The following BCKDHB variants were observed in gnomAD, a reference collection of about 807,000 sequenced individuals.
The protein encoded by BCKDHB is branched chain keto acid dehydrogenase E1 subunit beta, also known as 2-oxoisovalerate dehydrogenase subunit beta, mitochondrial.
BCKDHB carries 41 observed loss-of-function variants against 48.5 expected under a neutral mutation model. The ratio of observed to expected loss-of-function variants is 0.85; its 90% confidence interval spans 0.66 to 1.10. The LOEUF (loss-of-function observed/expected upper bound fraction) is 1.10, where lower values mean the gene tolerates loss of function less well. BCKDHB is among the 50% of genes least tolerant of loss of function. The pLI is 0.00. For missense variants in BCKDHB, 496 were observed against 494.2 expected (o/e 1.00, Z -0.03); for synonymous variants, 201 against 174.8 (o/e 1.15, Z -1.18).
chr6:80,440,429 T>C, the BCKDHB span, among the ~76,000 whole-genome samples: 3 of 152,130 alleles, frequency 2.0e-5, no homozygotes, highest in Non-Finnish European at 2.9e-5. Context: ...GACAGCTTCT[T>C]TACCATATGC....
At chr6:80,221,881 T>A (rs1391748801) in intron 8 of BCKDHB, among the ~76,000 whole-genome samples, 1 of 152,230 alleles carries the variant, frequency 6.6e-6, no homozygotes, top group Non-Finnish European at 1.5e-5. Context: ...CTTTTTCCAA[T>A]AGCCACAATT....
intron 3 of BCKDHB, among the ~76,000 whole-genome samples, chr6:80,147,990 A>T (rs1295747319): frequency 1.3e-5 from 2 of 152,190 alleles, no homozygotes; most frequent in Non-Finnish European, 2.9e-5. Flanking sequence ...GGTTGTTACA[A>T]TTAGGAGGCC....
intron 9 of BCKDHB, among the ~76,000 whole-genome samples, chr6:80,305,940 C>T (rs73463596): frequency 6.6e-6 from 1 of 152,158 alleles, no homozygotes; most frequent in Non-Finnish European, 1.5e-5. Flanking sequence ...GCCAGCCTGC[C>T]TGAATTCAAA....
intron 8 of BCKDHB, among the ~76,000 whole-genome samples, chr6:80,244,750 G>C (rs1374630397): frequency 6.6e-6 from 1 of 152,166 alleles, no homozygotes; most frequent in Non-Finnish European, 1.5e-5. Context: ...ATAAAGTAAT[G>C]ATAGCTTGGA....
chr6:80,170,002 C>T (rs573335929), intron 5 of BCKDHB: 28 of 1,173,148 alleles, frequency 2.4e-5, no homozygotes, highest in Non-Finnish European at 2.7e-5. Flanking sequence ...CTGTCCCCTG[C>T]CTTCTCTTTT....
At chr6:80,299,419 C>T (rs759753733) in intron 9 of BCKDHB, among the ~76,000 whole-genome samples, 6 of 152,086 alleles carry the variant, frequency 3.9e-5, no homozygotes, top group Non-Finnish European at 8.8e-5. Flanking sequence ...GGGGTTTCCT[C>T]AGTATTTTTC....
At chr6:80,186,888 G>A (rs1162721479) in intron 6 of BCKDHB, among the ~76,000 whole-genome samples, 2 of 152,170 alleles carry the variant, frequency 1.3e-5, no homozygotes, top group Non-Finnish European at 2.9e-5. Flanking sequence ...GGATTTTTAG[G>A]TTCCCCAGTG....
At chr6:80,463,589 CTTTT>C in the BCKDHB span, among the ~76,000 whole-genome samples, 1 of 149,922 alleles carries the variant, frequency 6.7e-6, no homozygotes, top group East Asian at 2.0e-4. Context: ...TTTCAATATA[CTTTT>C]TTTTTTCCAA....
intron 8 of BCKDHB, among the ~76,000 whole-genome samples, chr6:80,270,411 C>G (rs1777687204): frequency 6.6e-6 from 1 of 152,124 alleles, no homozygotes; most frequent in Admixed American, 6.6e-5. Context: ...ATTTTTGTGA[C>G]AATCATTGTT....
chr6:80,357,033 T>G, the BCKDHB span, among the ~76,000 whole-genome samples: 205 of 148,446 alleles, frequency 1.4e-3, no homozygotes, highest in Admixed American at 2.5e-3. Context: ...TAGTGCCCTT[T>G]TAAAGTTTGA....
chr6:80,196,449 G>A (rs1774134789), intron 6 of BCKDHB, among the ~76,000 whole-genome samples: 1 of 152,050 alleles, frequency 6.6e-6, no homozygotes, highest in South Asian at 2.1e-4. Context: ...AGAGCAATTT[G>A]TTCCCATTGC....
the BCKDHB span, chr6:80,374,607 A>G: frequency 8.6e-6 from 5 of 584,792 alleles, no homozygotes; most frequent in Admixed American, 1.3e-4. Context: ...GAAAAGAGCC[A>G]TTCTATATCT....
intron 9 of BCKDHB, among the ~76,000 whole-genome samples, chr6:80,334,951 T>G (rs1480867657): frequency 2.0e-5 from 3 of 151,984 alleles, no homozygotes; most frequent in Non-Finnish European, 2.9e-5. Context: ...GTCTGGCTTC[T>G]CATACTTTTT....
At chr6:80,291,799 A>AT (rs924099615) in intron 9 of BCKDHB, among the ~76,000 whole-genome samples, 1 of 152,136 alleles carries the variant, frequency 6.6e-6, no homozygotes, top group African/African-American at 2.4e-5. Context: ...TTGAAACATA[A>AT]TTTTTTTCGT....
At chr6:80,217,830 A>G (rs1292383592) in intron 8 of BCKDHB, among the ~76,000 whole-genome samples, 1 of 152,166 alleles carries the variant, frequency 6.6e-6, no homozygotes, top group East Asian at 1.9e-4. Flanking sequence ...GTAGCAAACC[A>G]CTTAAAACAG....
chr6:80,407,961 T>C, the BCKDHB span, among the ~76,000 whole-genome samples: 1 of 152,134 alleles, frequency 6.6e-6, no homozygotes, highest in East Asian at 1.9e-4. Flanking sequence ...TTCCAGTTTT[T>C]CCCATTCAGT....
At chr6:80,195,279 AG>A (rs1419225394) in intron 6 of BCKDHB, among the ~76,000 whole-genome samples, 1 of 151,926 alleles carries the variant, frequency 6.6e-6, no homozygotes, top group East Asian at 1.9e-4. Flanking sequence ...GTGAAGGGGG[AG>A]GAAAAGATTG....
At chr6:80,334,985 G>T (rs1391751906) in intron 9 of BCKDHB, among the ~76,000 whole-genome samples, 1 of 151,756 alleles carries the variant, frequency 6.6e-6, no homozygotes, top group Non-Finnish European at 1.5e-5. Flanking sequence ...CAGAGAGGGA[G>T]AAATCACTCT....
the BCKDHB span, among the ~76,000 whole-genome samples, chr6:80,381,423 G>A: frequency 6.6e-6 from 1 of 152,010 alleles, no homozygotes; most frequent in East Asian, 1.9e-4. Flanking sequence ...GCCATAAACA[G>A]AAGAAAATTT....
Sources: allele counts gnomAD v4.1 joint callset (sites outside exome capture counted in the v4.1 genomes callset), GRCh38; gene constraint gnomAD v4.1.1; transcripts MANE v1.5; gene names NCBI Gene and HGNC (gene_info 2026-07-23, HGNC 2026-07-21).